E2F7: variants seen among roughly 807,000 people sequenced by gnomAD.
E2F7 encodes transcription factor E2F7.
A neutral mutation model predicts 81.1 loss-of-function variants in E2F7; 35 were observed. The ratio of observed to expected loss-of-function variants is 0.43; its 90% CI spans 0.33 to 0.57. E2F7 has a LOEUF of 0.57. Ranked by LOEUF, E2F7 falls within the 20% of genes least tolerant of loss-of-function variation. E2F7 has a pLI of 0.04. For synonymous variants in E2F7, 416 were observed against 416.2 expected, an observed-to-expected ratio of 1.00 and a Z score of 0.01; for missense variants, 961 against 1,093.7, an observed-to-expected ratio of 0.88 and a Z score of 1.71.
intron 11 of E2F7, 99 bp downstream of exon 11, chr12:77,027,784 A>C: frequency 6.6e-7 from 1 of 1,506,530 alleles, no homozygotes; most frequent in South Asian, 1.3e-5. Flanking sequence ...AGGCACATCA[A>C]TAAGCCACTT....
intron 12 of E2F7, among the ~76,000 whole-genome samples, chr12:77,024,733 C>G (rs116011860): frequency 6.6e-6 from 1 of 152,192 alleles, no homozygotes; most frequent in South Asian, 2.1e-4. Flanking sequence ...CTGCCTAGAT[C>G]GGTGCCTGGC....
chr12:77,039,654 A>G (rs1280903170), intron 7 of E2F7, among the ~76,000 whole-genome samples: 1 of 152,222 alleles, frequency 6.6e-6, no homozygotes, highest in Non-Finnish European at 1.5e-5. Context: ...AAGACTGACC[A>G]TATCAAGTTT....
chr12:77,054,877 C>A (rs975054788), intron 3 of E2F7, among the ~76,000 whole-genome samples: 10 of 152,094 alleles, frequency 6.6e-5, no homozygotes, highest in African/African-American at 2.4e-4. Flanking sequence ...TACCACGACC[C>A]TCATTTTACA....
chr12:77,025,421 A>C, intron 12 of E2F7, 137 bp downstream of exon 12: 2 of 886,322 alleles, frequency 2.3e-6, no homozygotes, highest in Non-Finnish European at 3.4e-6. Flanking sequence ...GGAGCAGATA[A>C]CTCTAGGTCT....
intron 3 of E2F7, among the ~76,000 whole-genome samples, chr12:77,054,258 A>T (rs1025120669): frequency 4.6e-5 from 7 of 152,058 alleles, no homozygotes; most frequent in African/African-American, 1.7e-4. Flanking sequence ...TACTTAAAAC[A>T]CTTGACTTTG....
At position 77,030,205 on chromosome 12, in the gene E2F7, C is replaced by G. The variant is rs751285903; in HGVS notation, c.1510G>C (p.Val504Leu). The G allele has an allele frequency of 1.2e-6, 2 of 1,614,126 alleles. No individual in the cohort carries two copies. The highest frequency in any genetic ancestry group is 1.7e-6 in the Non-Finnish European group (2 of 1,179,998). The change falls in exon 10 of 13, where the codon GTT becomes CTT. Residue 504 changes from valine to leucine, a missense_variant. This residue lies in a region of E2F7 where 587 missense variants were observed against 620.3 expected (regional missense o/e 0.95). Transcript: ENST00000322886. ...AATGCCTGCAGGTCCGTCTGAGCAA[C>G]AGAAAATACTGGGTGGGCTAAAGGA... ...VNPLAHPVFS[V>L]AQTDLQAFSM...
At position 77,023,863 on chromosome 12, in the gene E2F7, A is replaced by T; in HGVS notation, c.*152T>A. 1.1e-6 allele frequency: 1 copy of T among 928,590 alleles called. No individual in the cohort carries two copies. Among genetic ancestry groups the T allele is most frequent in the Non-Finnish European group, 1.6e-6 (1 of 626,298 alleles). The allele number at this position is 928,590 out of a possible 1,614,324, so 57.5% of individuals were successfully genotyped here. A position where few individuals can be genotyped will look rare whatever the true frequency, so the allele number is the denominator to read the frequency against. On this transcript the variant is annotated 3_prime_UTR_variant, in exon 13 of 13. Coordinates refer to ENST00000322886, the MANE Select transcript of E2F7 (RefSeq NM_203394.3). ...ATGCACAATTAATTACTTTCAGGAA[A>T]TCAGATGATTGATGGTGGTGGGAAG...
chr12:77,031,129 A>G (rs1432847406), intron 9 of E2F7, among the ~76,000 whole-genome samples: 1 of 152,138 alleles, frequency 6.6e-6, no homozygotes, highest in Non-Finnish European at 1.5e-5. Context: ...TGGGGGGCCT[A>G]GGAGGATTGC....
chr12:77,039,998 A>G (rs900556361), intron 7 of E2F7, among the ~76,000 whole-genome samples: 1 of 152,208 alleles, frequency 6.6e-6, no homozygotes, highest in Admixed American at 6.5e-5. Flanking sequence ...GTTATAGTTG[A>G]TTCTCATTAT....
At chr12:77,040,885 A>G (rs528600041) in intron 7 of E2F7, among the ~76,000 whole-genome samples, 2 of 152,358 alleles carry the variant, frequency 1.3e-5, no homozygotes, top group Admixed American at 1.3e-4. Context: ...TATTCGTAAT[A>G]CACTGTACCC....
intron 10 of E2F7, among the ~76,000 whole-genome samples, chr12:77,028,839 G>A (rs191354739): frequency 1.4e-3 from 210 of 152,292 alleles, no homozygotes; most frequent in African/African-American, 4.9e-3. Context: ...ATATAGCTGC[G>A]TGCCACACTG....
intron 4 of E2F7, among the ~76,000 whole-genome samples, chr12:77,050,291 A>G (rs752520765): frequency 6.6e-6 from 1 of 152,182 alleles, no homozygotes; most frequent in Non-Finnish European, 1.5e-5. Context: ...AAAATATGAG[A>G]TACTAATTTG....
Position 77,024,115 on chromosome 12 carries a change from C to G in E2F7, c.2636G>C (p.Ser879Thr). The G allele has an allele frequency of 1.2e-6, 2 of 1,614,028 alleles. No individual in the cohort carries two copies. The highest frequency in any genetic ancestry group is 1.7e-6 in the Non-Finnish European group (2 of 1,179,998). ...TCTCTTCAGGACAGGGTCTCCAAGG[C>G]TGCCGGGTGTCTTGAAAAACGTCTC... is the stretch of plus-strand genomic sequence containing the variant. ...HRETFFKTPG[S>T]LGDPVLKRRE... The change falls in exon 13 of 13, where the codon AGC (serine) becomes ACC (threonine). Residue 879 changes from serine to threonine, a missense_variant. Physicochemically the swap from Ser to Thr is moderately conservative, Grantham distance 58. Transcript: ENST00000322886.
In E2F7 at chr12:77,033,839, T is replaced by C; in HGVS notation, c.1309+18A>G. ...CATGGCAACTGATGGACTCCATAGA[T>C]TATGCAAGGGCAGATACCTTGTTCT... On this transcript the variant is annotated intron_variant, in intron 8 of 12. Coordinates refer to ENST00000322886, the MANE Select transcript of E2F7 (RefSeq NM_203394.3). The C allele has an allele frequency of 1.3e-6, 2 of 1,573,620 alleles. No individual in the cohort carries two copies.
At position 77,043,052 on chromosome 12, in the gene E2F7, C is replaced by G. The variant is rs774857770; in HGVS notation, c.1123+13G>C. The stretch of plus-strand genomic sequence containing the variant: ...AAATAAAACAGCCTGCTAGCAAAAC[C>G]ACGCCACCTTACCACTTGAGCTGAA... On this transcript the variant is annotated intron_variant, in intron 7 of 12. Transcript: ENST00000322886. The G allele has an allele frequency of 9.9e-6, 16 of 1,613,764 alleles. No homozygotes were observed. In the African/African-American group the frequency reaches 1.3e-4, roughly 13 times the overall value.
In E2F7 at chr12:77,056,134, T is replaced by G. The variant is rs752222476; in HGVS notation, c.94-4A>C. The G allele has an allele frequency of 6.3e-7, 1 of 1,584,322 alleles. No homozygotes were observed. Among genetic ancestry groups the G allele is most frequent in the South Asian group, 1.2e-5 (1 of 84,972 alleles). ...ATCGATCAACAAATATATTTTCCTA[T>G]TTTAAAAAAGAAACTTTTAGCAAGA... On this transcript the variant is annotated splice_region_variant and splice_polypyrimidine_tract_variant and intron_variant, in intron 2 of 12. Transcript: ENST00000322886.
At chr12:77,053,940 A>G (rs1955010132) in intron 3 of E2F7, among the ~76,000 whole-genome samples, 1 of 152,176 alleles carries the variant, frequency 6.6e-6, no homozygotes, top group Admixed American at 6.5e-5. Context: ...GCAAAGGATA[A>G]GTGTATTTTA....
At chr12:77,045,786 G>A (rs1413521375) in intron 5 of E2F7, 2 of 457,038 alleles carry the variant, frequency 4.4e-6, no homozygotes, top group South Asian at 5.7e-5. Flanking sequence ...AAAAATGGGA[G>A]TAATGCTAGT....
intron 10 of E2F7, 65 bp from the exon 11 acceptor site, chr12:77,028,203 T>G: frequency 1.3e-6 from 2 of 1,547,170 alleles, no homozygotes; most frequent in Non-Finnish European, 1.7e-6. Context: ...TCTCTCTTTT[T>G]TTTTTTTGAG....
Sources: allele counts gnomAD v4.1 joint callset (sites outside exome capture counted in the v4.1 genomes callset), GRCh38; gene constraint gnomAD v4.1.1; regional missense constraint gnomAD v4.1.1; transcripts MANE v1.5; gene names NCBI Gene and HGNC (gene_info 2026-07-23, HGNC 2026-07-21).